The following SLC38A9 variants were observed in gnomAD, a reference collection of about 807,000 sequenced individuals.
SLC38A9 encodes neutral amino acid transporter 9.
A neutral mutation model predicts 62.3 loss-of-function variants in SLC38A9; 48 were observed. The ratio of observed to expected loss-of-function variants is 0.77; its 90% CI spans 0.61 to 0.98. SLC38A9 has a LOEUF of 0.98. Ranked by LOEUF, SLC38A9 falls within the 50% of genes least tolerant of loss-of-function variation. SLC38A9 has a pLI of 0.00. For missense variants in SLC38A9, 541 were observed against 679.8 expected, an observed-to-expected ratio of 0.80 and a Z score of 2.27; for synonymous variants, 204 against 227.7, an observed-to-expected ratio of 0.90 and a Z score of 0.94.
intron 9 of SLC38A9, among the ~76,000 whole-genome samples, chr5:55,655,011 A>AT (rs941815705): frequency 1.3e-5 from 2 of 151,996 alleles, no homozygotes; most frequent in Non-Finnish European, 1.5e-5. Flanking sequence ...CTAATTAAAA[A>AT]TTTTTTTTTG....
intron 3 of SLC38A9, among the ~76,000 whole-genome samples, chr5:55,679,593 AGTTTTTT>A (rs1561399583): frequency 1.0e-5 from 1 of 96,380 alleles, no homozygotes; most frequent in African/African-American, 3.2e-5. Context: ...GCAAGTTTTT[AGTTTTTT>A]GTTTTTTTTT....
At chr5:55,674,155 A>C (rs186461095) in intron 3 of SLC38A9, among the ~76,000 whole-genome samples, 2 of 152,344 alleles carry the variant, frequency 1.3e-5, no homozygotes, top group Admixed American at 1.3e-4. Flanking sequence ...TAGCATACAG[A>C]ATCTTTGAAT....
At chr5:55,630,738 C>T (rs900638822) in intron 14 of SLC38A9, among the ~76,000 whole-genome samples, 2 of 152,088 alleles carry the variant, frequency 1.3e-5, no homozygotes, top group Non-Finnish European at 2.9e-5. Flanking sequence ...ACATAATAAT[C>T]ACATCATGGA....
At chr5:55,627,036 C>G (rs1431029549) in intron 15 of SLC38A9, among the ~76,000 whole-genome samples, 1 of 152,046 alleles carries the variant, frequency 6.6e-6, no homozygotes, top group Non-Finnish European at 1.5e-5. Context: ...GTTAGCATCC[C>G]GGTTTAAGTA....
chr5:55,632,506 T>G (rs897850079), intron 14 of SLC38A9, among the ~76,000 whole-genome samples: 1 of 152,078 alleles, frequency 6.6e-6, no homozygotes, highest in Non-Finnish European at 1.5e-5. Context: ...AAGTAAGGAT[T>G]GTTGGACTCA....
At chr5:55,633,084 C>T (rs1341337533) in intron 14 of SLC38A9, among the ~76,000 whole-genome samples, 1 of 152,046 alleles carries the variant, frequency 6.6e-6, no homozygotes, top group East Asian at 1.9e-4. Flanking sequence ...TCACTGCAGC[C>T]TCGATCTCCC....
At chr5:55,704,565 AT>A (rs1757056453) in intron 2 of SLC38A9, 1 of 94,796 alleles carries the variant, frequency 1.1e-5, no homozygotes, top group South Asian at 4.2e-4. Flanking sequence ...GGTTAATAAA[AT>A]TTTTATATTG....
intron 9 of SLC38A9, among the ~76,000 whole-genome samples, chr5:55,654,086 A>T (rs1747996217): frequency 6.6e-6 from 1 of 152,090 alleles, no homozygotes; most frequent in South Asian, 2.1e-4. Flanking sequence ...TTCGTAAAGA[A>T]CTCTTAATGC....
intron 3 of SLC38A9, chr5:55,692,717 C>A: frequency 1.0e-6 from 1 of 985,120 alleles, no homozygotes; most frequent in Non-Finnish European, 1.2e-6. Context: ...TGAACTCCTG[C>A]CAACTTACTG....
intron 14 of SLC38A9, among the ~76,000 whole-genome samples, chr5:55,631,292 T>A (rs904973796): frequency 1.3e-5 from 2 of 152,138 alleles, no homozygotes; most frequent in Non-Finnish European, 2.9e-5. Context: ...GCACACTCTA[T>A]AAAGTGCTTA....
At chr5:55,690,352 T>A (rs1227146898) in intron 3 of SLC38A9, among the ~76,000 whole-genome samples, 1 of 151,988 alleles carries the variant, frequency 6.6e-6, no homozygotes, top group African/African-American at 2.4e-5. Flanking sequence ...ACTCTTCAAG[T>A]GTTTAGCAAA....
chr5:55,626,191 A>G lies in SLC38A9; in HGVS notation c.*303T>C, dbSNP rs1580033392. The stretch of plus-strand genomic sequence containing the variant: ...AGGCAAAATAAATCCACCACCTTTT[A>G]TCTCTAAAAGCAAAACCCAGCATGA... On this transcript the variant is annotated 3_prime_UTR_variant, in exon 16 of 16. Coordinates refer to ENST00000396865, the MANE Select transcript of SLC38A9 (RefSeq NM_173514.4). 4.8e-6 allele frequency: 1 copy of G among 207,902 alleles called. No individual in the cohort carries two copies. Among genetic ancestry groups the G allele is most frequent in the Non-Finnish European group, 9.7e-6 (1 of 103,592 alleles). 12.9% of individuals were successfully genotyped at this position (207,902 alleles called of 1,614,324 possible).
At chr5:55,669,917 G>A (rs1443879023) in intron 4 of SLC38A9, 38 bp from the exon 5 acceptor site, 5 of 1,559,480 alleles carry the variant, frequency 3.2e-6, no homozygotes, top group Admixed American at 2.0e-5. Flanking sequence ...TCAGAACCAG[G>A]AAATGCAAAA....
intron 12 of SLC38A9, among the ~76,000 whole-genome samples, chr5:55,635,901 TG>T (rs2150064562): frequency 6.6e-6 from 1 of 151,872 alleles, no homozygotes; most frequent in African/African-American, 2.4e-5. Flanking sequence ...AGCTACCTGT[TG>T]GCAGACTTAG....
chr5:55,684,676 T>C (rs1753499382), intron 3 of SLC38A9, among the ~76,000 whole-genome samples: 2 of 152,172 alleles, frequency 1.3e-5, no homozygotes, highest in South Asian at 2.1e-4. Context: ...TTTTCTGAGA[T>C]GGAGTCTCAC....
intron 2 of SLC38A9, among the ~76,000 whole-genome samples, chr5:55,710,598 A>C (rs1037514781): frequency 2.0e-5 from 3 of 152,056 alleles, no homozygotes; most frequent in Middle Eastern, 3.4e-3. Flanking sequence ...TGACCTATTG[A>C]AACTTTTTTT....
intron 2 of SLC38A9, among the ~76,000 whole-genome samples, chr5:55,710,367 C>G (rs182694651): frequency 6.6e-6 from 1 of 151,924 alleles, no homozygotes; most frequent in Non-Finnish European, 1.5e-5. Flanking sequence ...ACCACCACAC[C>G]TGGCTGATTT....
At chr5:55,681,164 T>G (rs1752949124) in intron 3 of SLC38A9, among the ~76,000 whole-genome samples, 1 of 152,170 alleles carries the variant, frequency 6.6e-6, no homozygotes, top group Admixed American at 6.5e-5. Context: ...GTTCATACCC[T>G]TCATTATAAT....
At chr5:55,709,321 G>A (rs1030741173) in intron 2 of SLC38A9, among the ~76,000 whole-genome samples, 2 of 151,618 alleles carry the variant, frequency 1.3e-5, no homozygotes, top group East Asian at 1.9e-4. Flanking sequence ...CCTAGCAAAC[G>A]ACAGAAATTT....
Sources: gnomAD v4.1 joint callset for allele counts (sites outside exome capture counted in the v4.1 genomes callset) on GRCh38, gnomAD v4.1.1 for gene constraint, MANE v1.5 for transcripts, NCBI Gene and HGNC (gene_info 2026-07-23, HGNC 2026-07-21) for gene names.